ZFHX3: variants seen among roughly 807,000 people sequenced by gnomAD.
ZFHX3 encodes zinc finger homeobox protein 3.
A neutral mutation model predicts 279.1 loss-of-function variants in ZFHX3; 42 were observed. The observed-to-expected ratio is 0.15, with a 90% CI of 0.12 to 0.19. The LOEUF is 0.19. ZFHX3 is among the 10% of genes least tolerant of loss of function. The pLI is 1.00. For missense variants in ZFHX3, 4,981 were observed against 4,754.0 expected (o/e 1.05, Z -1.40); for synonymous variants, 2,293 against 1,957.8 (o/e 1.17, Z -4.52).
At chr16:73,547,937 T>C (rs1453965472) in intron 2 of ZFHX3, among the ~76,000 whole-genome samples, 1 of 152,266 alleles carries the variant, frequency 6.6e-6, no homozygotes, top group Non-Finnish European at 1.5e-5. Flanking sequence ...AACATCTTTA[T>C]ATGCTTGAAG....
chr16:73,473,387 A>G (rs1248171540), intron 2 of ZFHX3, among the ~76,000 whole-genome samples: 1 of 150,640 alleles, frequency 6.6e-6, no homozygotes, highest in Non-Finnish European at 1.5e-5. Flanking sequence ...ATAATAAGCT[A>G]TGTGAGCTGA....
chr16:73,619,808 T>C (rs1378570122), intron 2 of ZFHX3, among the ~76,000 whole-genome samples: 1 of 152,150 alleles, frequency 6.6e-6, no homozygotes, highest in East Asian at 1.9e-4. Context: ...CCCACATGGT[T>C]TTCCTGAATA....
chr16:73,329,452 C>G (rs1395148844), intron 3 of ZFHX3, among the ~76,000 whole-genome samples: 1 of 152,250 alleles, frequency 6.6e-6, no homozygotes, highest in Admixed American at 6.5e-5. Flanking sequence ...ATATTGAATT[C>G]ATGTCCAGAT....
chr16:73,032,402 A>G (rs1313602083), intron 1 of ZFHX3, among the ~76,000 whole-genome samples: 1 of 152,046 alleles, frequency 6.6e-6, no homozygotes, highest in Non-Finnish European at 1.5e-5. Context: ...ATTCCTAACT[A>G]CCCTTTTAAA....
In ZFHX3 at chr16:72,785,222, C is replaced by CATTT. The variant is rs959936860; in HGVS notation, c.*1938_*1941dup. On this transcript the variant is annotated 3_prime_UTR_variant, in exon 10 of 10. Transcript: ENST00000268489. ...AGCACAAAGTTTTCAAAGTTCAGAC[C>CATTT]ATTTATTTATTTTTCTTTTTACATG... The CATTT allele has an allele frequency of 5.2e-5, 8 of 152,568 alleles. No homozygotes were observed. Among genetic ancestry groups the CATTT allele is most frequent in the Admixed American group, 1.3e-4 (2 of 15,280 alleles). The allele number at this position is 152,568 out of a possible 1,614,324, so 9.5% of individuals were successfully genotyped here. A position where few individuals can be genotyped will look rare whatever the true frequency, so the allele number is the denominator to read the frequency against.
At chr16:72,892,652 C>A (rs971060993) in intron 3 of ZFHX3, among the ~76,000 whole-genome samples, 2 of 151,996 alleles carry the variant, frequency 1.3e-5, no homozygotes, top group Non-Finnish European at 2.9e-5. Context: ...GGACTACAGG[C>A]ATAAGCCACC....
intron 1 of ZFHX3, among the ~76,000 whole-genome samples, chr16:73,800,224 T>C (rs1317552849): frequency 6.9e-6 from 1 of 144,914 alleles, no homozygotes; most frequent in Non-Finnish European, 1.5e-5. Context: ...ACTATTGTAA[T>C]TTTTTTTTTT....
intron 7 of ZFHX3, among the ~76,000 whole-genome samples, chr16:72,805,125 G>T (rs955507027): frequency 3.3e-4 from 50 of 151,888 alleles, no homozygotes; most frequent in Admixed American, 2.8e-3. Flanking sequence ...TTACAGATGT[G>T]CACCACCACG....
At chr16:73,316,001 T>C (rs2015438704) in intron 4 of ZFHX3, among the ~76,000 whole-genome samples, 1 of 152,112 alleles carries the variant, frequency 6.6e-6, no homozygotes, top group African/African-American at 2.4e-5. Context: ...CCCTGACCTC[T>C]TAGTGGGGGT....
At chr16:73,787,835 G>GTT (rs1555501648) in intron 1 of ZFHX3, among the ~76,000 whole-genome samples, 4 of 148,162 alleles carry the variant, frequency 2.7e-5, no homozygotes, top group East Asian at 2.0e-4. Flanking sequence ...GTGTGTGTGT[G>GTT]TGTGTGTGTG....
At chr16:73,562,413 G>T (rs1006708156) in intron 2 of ZFHX3, among the ~76,000 whole-genome samples, 16 of 152,056 alleles carry the variant, frequency 1.1e-4, no homozygotes, top group African/African-American at 3.6e-4. Flanking sequence ...GGCTAACACG[G>T]TGAAACCCTG....
chr16:73,425,276 C>CGT (rs2017791135), intron 3 of ZFHX3, among the ~76,000 whole-genome samples: 1 of 152,144 alleles, frequency 6.6e-6, no homozygotes, highest in Non-Finnish European at 1.5e-5. Flanking sequence ...CCTTGGGATG[C>CGT]GTGCTGATGC....
intron 2 of ZFHX3, among the ~76,000 whole-genome samples, chr16:73,518,100 T>G (rs562869348): frequency 9.5e-4 from 144 of 152,258 alleles, no homozygotes; most frequent in African/African-American, 3.4e-3. Flanking sequence ...ACTCTACATA[T>G]CTCAGTTAGG....
intron 4 of ZFHX3, among the ~76,000 whole-genome samples, chr16:73,302,504 G>C (rs1486990303): frequency 6.6e-6 from 1 of 152,190 alleles, no homozygotes; most frequent in Non-Finnish European, 1.5e-5. Flanking sequence ...CACGCTGAGG[G>C]ATTAGTTGTC....
chr16:73,535,496 G>A (rs572406548), intron 2 of ZFHX3, among the ~76,000 whole-genome samples: 1 of 152,244 alleles, frequency 6.6e-6, no homozygotes, highest in South Asian at 2.1e-4. Flanking sequence ...TCAAGAACCA[G>A]TTTTCCACAT....
intron 6 of ZFHX3, among the ~76,000 whole-genome samples, chr16:73,142,505 C>A (rs543860567): frequency 2.0e-4 from 31 of 152,272 alleles, no homozygotes; most frequent in African/African-American, 6.7e-4. Flanking sequence ...CTGTTTCTCC[C>A]CCCATCGGCA....
intron 2 of ZFHX3, among the ~76,000 whole-genome samples, chr16:73,642,863 C>T (rs1468405811): frequency 6.6e-6 from 1 of 152,144 alleles, no homozygotes; most frequent in Non-Finnish European, 1.5e-5. Context: ...ACGGCAGACC[C>T]AAAATGAACG....
intron 2 of ZFHX3, among the ~76,000 whole-genome samples, chr16:73,533,349 A>G (rs1263644230): frequency 2.0e-5 from 3 of 150,590 alleles, no homozygotes; most frequent in African/African-American, 7.4e-5. Flanking sequence ...GTTACCATGC[A>G]TAAACCACTC....
intron 5 of ZFHX3, among the ~76,000 whole-genome samples, chr16:73,207,818 C>T (rs2011864940): frequency 6.6e-6 from 1 of 152,164 alleles, no homozygotes; most frequent in South Asian, 2.1e-4. Context: ...AAACCCAGTA[C>T]TGGCCTGGAG....
Sources: gnomAD v4.1 joint callset for allele counts (sites outside exome capture counted in the v4.1 genomes callset) on GRCh38, gnomAD v4.1.1 for gene constraint, MANE v1.5 for transcripts, NCBI Gene and HGNC (gene_info 2026-07-23, HGNC 2026-07-21) for gene names.